The following CCDC158 variants were observed in gnomAD, a reference collection of about 807,000 sequenced individuals.
CCDC158 encodes the protein coiled-coil domain-containing protein 158.
A neutral mutation model predicts 138.6 loss-of-function variants in CCDC158; 116 were observed. The ratio of observed to expected loss-of-function variants is 0.84; its 90% CI spans 0.72 to 0.98. The LOEUF is 0.98. Among genes scored for constraint, CCDC158 ranks in the 50% least tolerant of loss-of-function variants. CCDC158 has a pLI of 0.00. For synonymous variants in CCDC158, 436 were observed against 442.4 expected (o/e 0.99, Z 0.18); for missense variants, 1,265 against 1,306.1 (o/e 0.97, Z 0.48).
rs563259921 is a variant in CCDC158 at position 76,405,398 on chromosome 4, T to G, written c.-73-2118A>C. Among the ~76,000 whole-genome samples, 268 of 152,292 alleles carry G rather than the reference T, an allele frequency of 1.8e-3. 12 individuals carry two copies. The South Asian group carries it at 0.053, about 30-fold the overall frequency. ...TTCTACTAGAGAAGATGAGCCTCAT[T>G]CACCCAGAAGACCACTGTAAAATGT... On this transcript the variant is annotated intron_variant, in intron 2 of 24. Coordinates refer to ENST00000682701, the MANE Select transcript of CCDC158 (RefSeq NM_001394954.1).
chr4:76,367,075 T>C (rs1724742638), intron 12 of CCDC158, among the ~76,000 whole-genome samples: 2 of 152,202 alleles, frequency 1.3e-5, no homozygotes, highest in South Asian at 2.1e-4. Flanking sequence ...TTTTTTCTTT[T>C]GTACCCGTGA....
chr4:76,365,477 T>A (rs1436466519), intron 12 of CCDC158, among the ~76,000 whole-genome samples: 1 of 152,206 alleles, frequency 6.6e-6, no homozygotes, highest in Non-Finnish European at 1.5e-5. Context: ...TGATGCCAGA[T>A]TAATCCACTT....
intron 18 of CCDC158, among the ~76,000 whole-genome samples, chr4:76,336,519 T>G (rs1414148770): frequency 6.6e-6 from 1 of 152,192 alleles, no homozygotes; most frequent in Non-Finnish European, 1.5e-5. Context: ...GGCATTCTAG[T>G]AATATGCTTA....
chr4:76,376,064 T>G (rs1725688773), intron 9 of CCDC158, among the ~76,000 whole-genome samples: 1 of 152,086 alleles, frequency 6.6e-6, no homozygotes, highest in African/African-American at 2.4e-5. Context: ...TCACTTTTTT[T>G]TTTTTTCTGA....
At chr4:76,382,999 G>A (rs1163626242) in intron 7 of CCDC158, among the ~76,000 whole-genome samples, 4 of 151,996 alleles carry the variant, frequency 2.6e-5, no homozygotes, top group Non-Finnish European at 4.4e-5. Flanking sequence ...TGAGATCTAG[G>A]GAAGTGTCCC....
chr4:76,346,496 G>A (rs990606868), intron 18 of CCDC158, among the ~76,000 whole-genome samples: 10 of 152,198 alleles, frequency 6.6e-5, no homozygotes, highest in Admixed American at 6.5e-4. Flanking sequence ...TGGATCACAA[G>A]GTCAAGAGAT....
At chr4:76,328,362 G>A (rs1009595824) in intron 22 of CCDC158, among the ~76,000 whole-genome samples, 1 of 152,224 alleles carries the variant, frequency 6.6e-6, no homozygotes, top group Non-Finnish European at 1.5e-5. Context: ...GTCTCACAGG[G>A]GTGACACAGT....
At chr4:76,397,290 C>T (rs1285976033) in intron 3 of CCDC158, among the ~76,000 whole-genome samples, 4 of 151,852 alleles carry the variant, frequency 2.6e-5, no homozygotes, top group Admixed American at 6.6e-5. Context: ...TAGGTGGAAA[C>T]AGAGTGGTGC....
chr4:76,421,300 CTG>C (rs1436875287), upstream of CCDC158, among the ~76,000 whole-genome samples: 4 of 152,052 alleles, frequency 2.6e-5, no homozygotes. Flanking sequence ...CCTCCCGCGC[CTG>C]CGACTCCGCC....
intron 18 of CCDC158, among the ~76,000 whole-genome samples, chr4:76,342,963 A>G: frequency 6.6e-6 from 1 of 152,200 alleles, no homozygotes; most frequent in Non-Finnish European, 1.5e-5. Flanking sequence ...TTAGAATCCC[A>G]GAAGCTGTCT....
intron 18 of CCDC158, among the ~76,000 whole-genome samples, chr4:76,336,181 C>CAAAAAAAA (rs34498886): frequency 5.4e-5 from 3 of 56,042 alleles, no homozygotes; most frequent in African/African-American, 1.6e-4. Context: ...GACTCTGTCT[C>CAAAAAAAA]AAAAAAAAAA....
At chr4:76,361,678 C>T (rs776693392) in intron 13 of CCDC158, among the ~76,000 whole-genome samples, 4 of 152,132 alleles carry the variant, frequency 2.6e-5, no homozygotes, top group African/African-American at 9.7e-5. Context: ...TAATATAAGG[C>T]CATGGATTTT....
chr4:76,343,733 G>A (rs540953624), intron 18 of CCDC158, among the ~76,000 whole-genome samples: 44 of 152,150 alleles, frequency 2.9e-4, no homozygotes, highest in South Asian at 8.3e-4. Context: ...CCCAGGAGAC[G>A]GAGGTCACAG....
intron 10 of CCDC158, 101 bp from the exon 11 acceptor site, chr4:76,369,724 A>G: frequency 1.0e-6 from 1 of 1,000,930 alleles, no homozygotes; most frequent in Non-Finnish European, 1.5e-6. Flanking sequence ...GTGATTTCAG[A>G]CACCTTTGAT....
At chr4:76,346,489 A>T (rs1408507979) in intron 18 of CCDC158, among the ~76,000 whole-genome samples, 1 of 152,206 alleles carries the variant, frequency 6.6e-6, no homozygotes, top group African/African-American at 2.4e-5. Context: ...AGCTGGGTGG[A>T]TCACAAGGTC....
chr4:76,349,829 A>G (rs1722891674), intron 18 of CCDC158, among the ~76,000 whole-genome samples: 1 of 152,220 alleles, frequency 6.6e-6, no homozygotes, highest in Non-Finnish European at 1.5e-5. Context: ...TGGGTAATTA[A>G]AAATCACAGA....
intron 9 of CCDC158, among the ~76,000 whole-genome samples, chr4:76,372,387 G>A (rs917571603): frequency 6.6e-6 from 1 of 152,222 alleles, no homozygotes; most frequent in African/African-American, 2.4e-5. Context: ...TAAGGCTGCA[G>A]TGAGCCATGA....
At chr4:76,333,253 T>C (rs752062519) in intron 19 of CCDC158, among the ~76,000 whole-genome samples, 1 of 152,178 alleles carries the variant, frequency 6.6e-6, no homozygotes, top group Non-Finnish European at 1.5e-5. Context: ...TATTTATATA[T>C]AGGTATCATT....
At chr4:76,383,801 G>A in intron 6 of CCDC158, 63 bp from the exon 7 acceptor site, 2 of 1,128,704 alleles carry the variant, frequency 1.8e-6, no homozygotes, top group Non-Finnish European at 2.7e-6. Context: ...AAAATCTGGA[G>A]ATTTTCAACT....
Sources: allele counts gnomAD v4.1 joint callset (sites outside exome capture counted in the v4.1 genomes callset), GRCh38; gene constraint gnomAD v4.1.1; transcripts MANE v1.5; gene names NCBI Gene and HGNC (gene_info 2026-07-23, HGNC 2026-07-21).